The following PHC2 variants were observed in gnomAD, a reference collection of about 807,000 sequenced individuals.
PHC2 encodes polyhomeotic homolog 2.
In PHC2, 29 loss-of-function variants were observed where a neutral mutation model predicts 87.4. That is an observed-to-expected ratio of 0.33 (90% CI 0.25 to 0.45). The LOEUF is 0.45. Among genes scored for constraint, PHC2 ranks in the 20% least tolerant of loss-of-function variants. PHC2 has a pLI of 1.00. For missense variants in PHC2, 857 were observed against 1,136.7 expected, an observed-to-expected ratio of 0.75 and a Z score of 3.54; for synonymous variants, 438 against 461.7, an observed-to-expected ratio of 0.95 and a Z score of 0.66.
At chr1:33,419,421 C>T (rs2148402519) in intron 1 of PHC2, among the ~76,000 whole-genome samples, 1 of 152,322 alleles carries the variant, frequency 6.6e-6, no homozygotes, top group African/African-American at 2.4e-5. Context: ...GGTCAGCAGG[C>T]TGTGCTCTCC....
Position 33,368,407 on chromosome 1 carries a change from A to G in PHC2, c.663+129T>C, listed in dbSNP as rs1470657573. Reference sequence around the variant, plus strand: ...AGGGTAGACGCGCAGGCCTGGGGGCATTGGGGTGTCCTGTCTCCCGCCTGC... The same window carrying G: ...AGGGTAGACGCGCAGGCCTGGGGGCGTTGGGGTGTCCTGTCTCCCGCCTGC... On this transcript the variant is annotated intron_variant, in intron 6 of 14. Transcript: ENST00000683057. The surrounding 1 kb of genome is among the most constrained non-coding windows in gnomAD (Gnocchi z 6.6). 15 of 611,910 alleles carry G rather than the reference A, an allele frequency of 2.5e-5. No individual in the cohort carries two copies. Among genetic ancestry groups the G allele is most frequent in the African/African-American group, 3.7e-5 (2 of 53,900 alleles). 37.9% of individuals were successfully genotyped at this position (611,910 alleles called of 1,614,324 possible). A position where few individuals can be genotyped will look rare whatever the true frequency, so the allele number is the denominator to read the frequency against.
rs1647797529 is a variant in PHC2 at position 33,371,037 on chromosome 1, C to A, written c.391G>T (p.Ala131Ser). The change falls in exon 4 of 15, where the codon GCC (alanine) becomes TCC (serine). Residue 131 changes from alanine to serine, a missense_variant. Physicochemically the swap from Ala to Ser is moderately conservative, Grantham distance 99 (BLOSUM62 1). Coordinates refer to ENST00000683057, the MANE Select transcript of PHC2 (RefSeq NM_001385109.1). ...CTCACCGAAGATGACTGGGCCGGGG[C>A]CTGCGCAGACACATTGCTGCCTGAA... ...STSGSNVSAQ[A>S]PAQSSSINLA... is the part of the protein sequence containing the mutation. 1.2e-6 allele frequency: 2 copies of A among 1,614,030 alleles called. No individual in the cohort carries two copies. Among genetic ancestry groups the A allele is most frequent in the East Asian group, 4.5e-5 (2 of 44,886 alleles).
chr1:33,348,271 C>T (rs1646883081), intron 9 of PHC2, among the ~76,000 whole-genome samples: 2 of 151,486 alleles, frequency 1.3e-5, no homozygotes, highest in South Asian at 2.1e-4. Context: ...TGCCCTGTAC[C>T]AGAATAAAAG....
chr1:33,422,907 C>T (rs1650485476), intron 1 of PHC2, among the ~76,000 whole-genome samples: 1 of 151,596 alleles, frequency 6.6e-6, no homozygotes, highest in Non-Finnish European at 1.5e-5. Flanking sequence ...CTAGGAGGCC[C>T]CAGGAAATAA....
At chr1:33,370,700 A>G in intron 4 of PHC2, 115 bp from the exon 5 acceptor site, 1 of 1,038,944 alleles carries the variant, frequency 9.6e-7, no homozygotes, top group Admixed American at 2.4e-5. Flanking sequence ...AGCCTCCTTC[A>G]GGAACGTCTG....
At position 33,331,543 on chromosome 1, in the gene PHC2, A is replaced by G. The variant is rs1557817504; in HGVS notation, c.1892-81T>C. The stretch of plus-strand genomic sequence containing the variant: ...GCCAGCCCCACCACGGGGCCTCCCT[A>G]CTCCATCCTGCCTGGTCCTCCTGCT... On this transcript the variant is annotated intron_variant, in intron 11 of 14. Transcript: ENST00000683057. This position sits in a 1 kb window ranked among gnomAD's most constrained non-coding sequence, Gnocchi z 5.2. 1 of 764,014 alleles carries G rather than the reference A, an allele frequency of 1.3e-6. No individual in the cohort carries two copies. Among genetic ancestry groups the G allele is most frequent in the Non-Finnish European group, 2.3e-6 (1 of 434,208 alleles). 47.3% of individuals were successfully genotyped at this position (764,014 alleles called of 1,614,324 possible). A position where few individuals can be genotyped will look rare whatever the true frequency, so the allele number is the denominator to read the frequency against.
At chr1:33,389,850 C>A (rs1174584917) in intron 1 of PHC2, among the ~76,000 whole-genome samples, 1 of 152,086 alleles carries the variant, frequency 6.6e-6, no homozygotes, top group Non-Finnish European at 1.5e-5. Flanking sequence ...TATTTCTAAC[C>A]TGTTCCCTAT....
At chr1:33,376,884 A>C (rs1402551977) in intron 1 of PHC2, among the ~76,000 whole-genome samples, 1 of 152,192 alleles carries the variant, frequency 6.6e-6, no homozygotes, top group Admixed American at 6.5e-5. Context: ...AGCTGAGATC[A>C]CACCACTGCA....
chr1:33,373,645 G>A (rs1455631984), intron 2 of PHC2, among the ~76,000 whole-genome samples: 1 of 152,110 alleles, frequency 6.6e-6, no homozygotes, highest in Non-Finnish European at 1.5e-5. Flanking sequence ...GTGAGTCCCA[G>A]AGACATTTCT....
Position 33,354,794 on chromosome 1 carries a change from G to C in PHC2, c.1392+44C>G, listed in dbSNP as rs200615425. On this transcript the variant is annotated intron_variant, in intron 8 of 14. Transcript: ENST00000683057. ...GGGGCTGTGGGGTCGTCCGAGCTGT[G>C]GCCACCCCGTGTGCTCCCTGGACCT... The C allele has an allele frequency of 5.1e-5, 81 of 1,583,952 alleles. No homozygotes were observed. In the East Asian group the frequency reaches 1.8e-3, roughly 36 times the overall value.
intron 7 of PHC2, among the ~76,000 whole-genome samples, chr1:33,361,386 G>A (rs1222519973): frequency 6.6e-6 from 1 of 152,152 alleles, no homozygotes; most frequent in African/African-American, 2.4e-5. Flanking sequence ...TGACGCCCAG[G>A]CTGTAGTGCA....
chr1:33,416,658 A>G (rs1323495010), intron 1 of PHC2, among the ~76,000 whole-genome samples: 22 of 152,096 alleles, frequency 1.4e-4, no homozygotes. Flanking sequence ...CAATGGATAG[A>G]CATCTTTAAA....
chr1:33,369,021 G>A lies in PHC2; in HGVS notation c.577-399C>T, dbSNP rs1647659900. Among the ~76,000 whole-genome samples, 1 of 152,142 alleles carries A rather than the reference G, an allele frequency of 6.6e-6. No individual in the cohort carries two copies. The highest frequency in any genetic ancestry group is 1.5e-5 in the Non-Finnish European group (1 of 67,978). ...CCTTAGCGTCCTGGGAAGCGAGATGGATGCCCTAGGACCACCTTCCAGGTC... is the reference window on the plus strand; with the variant it reads ...CCTTAGCGTCCTGGGAAGCGAGATGAATGCCCTAGGACCACCTTCCAGGTC... On this transcript the variant is annotated intron_variant, in intron 5 of 14. Transcript: ENST00000683057. This position sits in a 1 kb window ranked among gnomAD's most constrained non-coding sequence, Gnocchi z 4.7.
In PHC2 at chr1:33,369,372, A is replaced by T. The variant is rs72658269; in HGVS notation, c.577-750T>A. Reference sequence around the variant, plus strand: ...GCTGTGCTTTTTCCTCTGTGGGTGTATGCCCTGCTCTGGGGAGGGAGGCAG... The same window carrying T: ...GCTGTGCTTTTTCCTCTGTGGGTGTTTGCCCTGCTCTGGGGAGGGAGGCAG... On this transcript the variant is annotated intron_variant, in intron 5 of 14. Coordinates refer to ENST00000683057, the MANE Select transcript of PHC2 (RefSeq NM_001385109.1). This position sits in a 1 kb window ranked among gnomAD's most constrained non-coding sequence, Gnocchi z 4.7. Among the ~76,000 whole-genome samples, 15,687 of 152,168 alleles carry T rather than the reference A, an allele frequency of 0.1. 1,056 individuals are homozygous for T. Among genetic ancestry groups the T allele is most frequent in the East Asian group, 0.28 (1,418 of 5,140 alleles).
At position 33,370,481 on chromosome 1, in the gene PHC2, G is replaced by A. The variant is rs1647753345; in HGVS notation, c.516C>T (p.Gly172=). The A allele has an allele frequency of 1.2e-6, 2 of 1,614,020 alleles. No homozygotes were observed. Among genetic ancestry groups the A allele is most frequent in the Non-Finnish European group, 1.7e-6 (2 of 1,180,022 alleles). The change falls in exon 5 of 15, where the codon GGC becomes GGT. Residue 172 remains glycine, a synonymous_variant. Transcript: ENST00000683057. ...CAGTCAGGGCTGGGGAAGACGTGTT[G>A]CCCAAGAGCACAGCCTGCTGAGCGA... The part of the protein sequence containing the change: ...SGIAQQAVLL[G]NTSSPALTAS...
intron 7 of PHC2, chr1:33,363,708 C>T (rs374993046): frequency 7.3e-5 from 71 of 975,060 alleles, no homozygotes; most frequent in Non-Finnish European, 8.4e-5. Context: ...ACAGCATATC[C>T]CTCCCAGTCA....
chr1:33,414,692 T>C (rs1172889344), intron 1 of PHC2, among the ~76,000 whole-genome samples: 1 of 152,228 alleles, frequency 6.6e-6, no homozygotes, highest in Non-Finnish European at 1.5e-5. Context: ...TACTCTCTAA[T>C]TGTATGCTAG....
intron 1 of PHC2, among the ~76,000 whole-genome samples, chr1:33,418,192 C>T (rs781293718): frequency 6.6e-6 from 1 of 151,670 alleles, no homozygotes; most frequent in South Asian, 2.1e-4. Context: ...AAATAAAATG[C>T]AAAGCAAACA....
At chr1:33,423,125 G>A (rs1463097714) in intron 1 of PHC2, among the ~76,000 whole-genome samples, 1 of 152,098 alleles carries the variant, frequency 6.6e-6, no homozygotes, top group Non-Finnish European at 1.5e-5. Context: ...TGGCTCTAGT[G>A]TCCCTGCAGT....
Sources: allele counts gnomAD v4.1 joint callset (sites outside exome capture counted in the v4.1 genomes callset), GRCh38; gene constraint gnomAD v4.1.1; non-coding constraint Gnocchi (gnomAD v3.1); transcripts MANE v1.5; gene names NCBI Gene and HGNC (gene_info 2026-07-23, HGNC 2026-07-21).